Variants in PLA2R1 observed in about 807,000 individuals in gnomAD.
PLA2R1 encodes secretory phospholipase A2 receptor.
In PLA2R1, 158 loss-of-function variants were observed where a neutral mutation model predicts 195.9. The observed-to-expected ratio is 0.81, with a 90% CI of 0.71 to 0.92. PLA2R1 has a LOEUF of 0.92. PLA2R1 is among the 40% of genes least tolerant of loss of function. The probability of loss-of-function intolerance (pLI) is 0.00; values close to 1 mark genes in which losing one functional copy is unlikely to be tolerated. For missense variants in PLA2R1, 1,626 were observed against 1,764.6 expected (o/e 0.92, Z 1.41); for synonymous variants, 586 against 598.2 (o/e 0.98, Z 0.30).
At chr2:159,997,129 G>GA (rs1691267346) in intron 11 of PLA2R1, among the ~76,000 whole-genome samples, 1 of 152,110 alleles carries the variant, frequency 6.6e-6, no homozygotes, top group South Asian at 2.1e-4. Context: ...TTGGGTAAAA[G>GA]AAACTGCAGT....
At chr2:159,951,136 T>C (rs927457124) in intron 24 of PLA2R1, among the ~76,000 whole-genome samples, 14 of 152,346 alleles carry the variant, frequency 9.2e-5, no homozygotes, top group African/African-American at 3.4e-4. Context: ...ATGTTTACCC[T>C]AAAGAGGTGT....
intron 7 of PLA2R1, among the ~76,000 whole-genome samples, chr2:160,021,039 G>A (rs1294179955): frequency 6.6e-6 from 1 of 152,126 alleles, no homozygotes. Context: ...AGGAAAAATA[G>A]GAAGGCCCAC....
chr2:159,993,910 A>G (rs1429785461), intron 11 of PLA2R1, among the ~76,000 whole-genome samples: 1 of 152,134 alleles, frequency 6.6e-6, no homozygotes, highest in African/African-American at 2.4e-5. Context: ...AAAGGGAAAG[A>G]ACTAAGCATT....
At chr2:160,062,261 G>A in intron 1 of PLA2R1, 34 bp downstream of exon 1, 1 of 663,740 alleles carries the variant, frequency 1.5e-6, no homozygotes, top group South Asian at 3.8e-5. Flanking sequence ...CCTCCCCAAC[G>A]TACCGATCCA....
chr2:159,982,302 A>G (rs1690006586), intron 13 of PLA2R1, among the ~76,000 whole-genome samples: 1 of 152,186 alleles, frequency 6.6e-6, no homozygotes, highest in East Asian at 1.9e-4. Context: ...ACTTTTCTTC[A>G]GACTCAGAGA....
intron 23 of PLA2R1, among the ~76,000 whole-genome samples, chr2:159,953,536 T>C (rs1687896121): frequency 6.6e-6 from 1 of 152,402 alleles, no homozygotes; most frequent in East Asian, 1.9e-4. Flanking sequence ...GTGTGTGAGA[T>C]GGCTATTACC....
rs549060361 is a variant in PLA2R1 at position 159,950,037 on chromosome 2, T to A, written c.3541-261A>T. On this transcript the variant is annotated intron_variant, in intron 24 of 29. Transcript: ENST00000283243. ...TCGGCGTGAAATTGGACCAGTACCTTGTCTTTTACAGTGAAATACATTTCA... is the reference window on the plus strand; with the variant it reads ...TCGGCGTGAAATTGGACCAGTACCTAGTCTTTTACAGTGAAATACATTTCA... Among the ~76,000 whole-genome samples, 5 of 152,340 alleles carry A rather than the reference T, an allele frequency of 3.3e-5. No individual in the cohort carries two copies. In the East Asian group the frequency reaches 7.7e-4, roughly 24 times the overall value.
chr2:159,999,345 T>C (rs1397693143), intron 11 of PLA2R1, among the ~76,000 whole-genome samples: 1 of 22,024 alleles, frequency 4.5e-5, no homozygotes, highest in Non-Finnish European at 7.8e-5. Flanking sequence ...GCACATTACG[T>C]AATTTTTTTT....
At chr2:160,027,325 G>A (rs779446880) in intron 6 of PLA2R1, among the ~76,000 whole-genome samples, 1 of 151,574 alleles carries the variant, frequency 6.6e-6, no homozygotes, top group Non-Finnish European at 1.5e-5. Context: ...GAGAAGGAAC[G>A]GAGAAAGGAA....
rs544869136 is a variant in PLA2R1 at position 159,940,277 on chromosome 2, G to C, written c.*1501C>G. The C allele has an allele frequency of 6.6e-6, 1 of 152,256 alleles. No homozygotes were observed. The highest frequency in any genetic ancestry group is 6.5e-5 in the Admixed American group (1 of 15,290). 9.4% of individuals were successfully genotyped at this position (152,256 alleles called of 1,614,324 possible). A position where few individuals can be genotyped will look rare whatever the true frequency, so the allele number is the denominator to read the frequency against. On this transcript the variant is annotated 3_prime_UTR_variant, in exon 30 of 30. Transcript: ENST00000283243. Reference sequence around the variant, plus strand: ...CCTTACTTCATTTTCATAACCACTTGCTATTTTATGCATATGCATTTCTTT... The same window carrying C: ...CCTTACTTCATTTTCATAACCACTTCCTATTTTATGCATATGCATTTCTTT...
rs1217100517 is a variant in PLA2R1, at chr2:159,941,006, A to G, written c.*772T>C. On this transcript the variant is annotated 3_prime_UTR_variant, in exon 30 of 30. Coordinates refer to ENST00000283243, the MANE Select transcript of PLA2R1 (RefSeq NM_007366.5). ...ACAGTACAACTGTTAAAGTTTCAAT[A>G]TATTACTTTAAGCTTATGTATAAGA... The G allele has an allele frequency of 6.6e-6, 1 of 152,224 alleles. No homozygotes were observed. The highest frequency in any genetic ancestry group is 2.4e-5 in the African/African-American group (1 of 41,466). 9.4% of individuals were successfully genotyped at this position (152,224 alleles called of 1,614,324 possible).
intron 24 of PLA2R1, 120 bp downstream of exon 24, chr2:159,951,220 T>C (rs941292252): frequency 4.5e-6 from 3 of 662,758 alleles, no homozygotes; most frequent in Admixed American, 5.0e-5. Context: ...ATTTAAGTGT[T>C]ATATTTATTA....
Position 160,045,175 on chromosome 2 carries a change from G to T in PLA2R1, c.110-18C>A. 4.5e-6 allele frequency: 7 copies of T among 1,568,782 alleles called. No individual in the cohort carries two copies. Among genetic ancestry groups the T allele is most frequent in the Non-Finnish European group, 5.2e-6 (6 of 1,150,810 alleles). ...TCCTTTATCTGAAACAAAAATCAAA[G>T]ATGTGGCATGAAATTTTCATATATA... On this transcript the variant is annotated intron_variant, in intron 1 of 29. Coordinates refer to ENST00000283243, the MANE Select transcript of PLA2R1 (RefSeq NM_007366.5).
At chr2:159,931,501 T>C (rs139790287), downstream of PLA2R1, among the ~76,000 whole-genome samples, 246 of 152,284 alleles carry the variant, frequency 1.6e-3, 2 homozygotes, top group African/African-American at 5.7e-3. Flanking sequence ...GCAAGACAAC[T>C]ACAGATATTG....
At chr2:160,044,745 C>A in intron 2 of PLA2R1, 29 bp downstream of exon 2, 1 of 1,581,060 alleles carries the variant, frequency 6.3e-7, no homozygotes, top group Non-Finnish European at 8.7e-7. Context: ...AAACACCATT[C>A]CCTGAGTGCT....
chr2:160,055,046 C>A (rs1207731733), intron 1 of PLA2R1, among the ~76,000 whole-genome samples: 1 of 152,168 alleles, frequency 6.6e-6, no homozygotes, highest in African/African-American at 2.4e-5. Flanking sequence ...GACAACTAAG[C>A]TATCTGTGTG....
chr2:159,967,614 C>T lies in PLA2R1; in HGVS notation c.2829G>A (p.Trp943Ter). 6.2e-7 allele frequency: 1 copy of T among 1,613,554 alleles called. No individual in the cohort carries two copies. Among genetic ancestry groups the T allele is most frequent in the Non-Finnish European group, 8.5e-7 (1 of 1,179,572 alleles). Residue 943 changes from tryptophan (W) to a stop codon, truncating the protein, a stop_gained, in exon 20 of 30, where the codon TGG becomes TGA. Transcript: ENST00000283243. LOFTEE classifies it high-confidence loss of function. ...MPSICKRKKVWLIEKKKDTPK... is the reference protein window; with the variant it reads ...MPSICKRKKV Reference sequence around the variant, plus strand: ...GTGTATCTTTCTTTTTCTCTATGAGCCAAACCTTTTTTCGCTTACAGATAC... The same window carrying T: ...GTGTATCTTTCTTTTTCTCTATGAGTCAAACCTTTTTTCGCTTACAGATAC...
At chr2:160,061,115 T>C (rs1178183148) in intron 1 of PLA2R1, among the ~76,000 whole-genome samples, 1 of 152,214 alleles carries the variant, frequency 6.6e-6, no homozygotes, top group Non-Finnish European at 1.5e-5. Flanking sequence ...ACGCAGATAT[T>C]GATCACATCT....
chr2:159,947,642 G>T (rs1687473136), intron 25 of PLA2R1, 83 bp from the exon 26 acceptor site: 1 of 1,270,348 alleles, frequency 7.9e-7, no homozygotes, highest in South Asian at 1.3e-5. Flanking sequence ...TTCTATAAAA[G>T]ATCAAGATAA....
Sources: allele counts gnomAD v4.1 joint callset (sites outside exome capture counted in the v4.1 genomes callset), GRCh38; gene constraint gnomAD v4.1.1; transcripts MANE v1.5; gene names NCBI Gene and HGNC (gene_info 2026-07-23, HGNC 2026-07-21).